The following CCDC120 variants were observed in gnomAD, a reference collection of about 807,000 sequenced individuals.
CCDC120 encodes the protein coiled-coil domain containing 120, also known as coiled-coil domain-containing protein 120.
In CCDC120, 16 loss-of-function variants were observed where a neutral mutation model predicts 37.6. That is an observed-to-expected ratio of 0.43 (90% CI 0.29 to 0.65). CCDC120 has a LOEUF of 0.65. Ranked by LOEUF, CCDC120 falls within the 30% of genes least tolerant of loss-of-function variation. The pLI, the probability that CCDC120 is intolerant of heterozygous loss-of-function variation, is 0.18. For synonymous variants in CCDC120, 309 were observed against 275.4 expected, an observed-to-expected ratio of 1.12 and a Z score of -1.21; for missense variants, 650 against 657.4, an observed-to-expected ratio of 0.99 and a Z score of 0.12.
chrX:49,061,600 G>T (rs2064886800), intron 1 of CCDC120, among the ~76,000 whole-genome samples: 1 of 112,560 alleles, frequency 8.9e-6, no homozygotes, highest in Non-Finnish European at 1.9e-5. Flanking sequence ...GTGATGCAGG[G>T]GCTGGGGTGG....
rs1265943075 is a variant in CCDC120, at chrX:49,063,857, C to G, written c.289-4C>G. The G allele has an allele frequency of 4.4e-5, 53 of 1,200,441 alleles. No homozygotes were observed. The highest frequency in any genetic ancestry group is 5.7e-5 in the Non-Finnish European group (51 of 890,269). On this transcript the variant is annotated splice_polypyrimidine_tract_variant and splice_region_variant and intron_variant, in intron 4 of 10. Transcript: ENST00000603986. Reference sequence around the variant, plus strand: ...GGTAGTCTCTGACCCCTGCCTCCCACCAGGAGCTGACTGGCCAGCTGCCCC... The same window carrying G: ...GGTAGTCTCTGACCCCTGCCTCCCAGCAGGAGCTGACTGGCCAGCTGCCCC...
At chrX:49,063,046 TAGTC>T (rs1485482853) in intron 4 of CCDC120, among the ~76,000 whole-genome samples, 1 of 110,595 alleles carries the variant, frequency 9.0e-6, no homozygotes, top group South Asian at 3.8e-4. Flanking sequence ...TACAAAAAAT[TAGTC>T]AGGCGTGGTG....
Position 49,064,301 on chromosome X carries a change from C to G in CCDC120, c.430-69C>G, listed in dbSNP as rs782703855. 2.3e-4 allele frequency: 240 copies of G among 1,058,961 alleles called. 1 individual carries two copies. The African/African-American group carries it at 4.2e-3, about 19-fold the overall frequency. 87.3% of individuals were successfully genotyped at this position (1,058,961 alleles called of 1,213,427 possible). A position where few individuals can be genotyped will look rare whatever the true frequency, so the allele number is the denominator to read the frequency against. On this transcript the variant is annotated intron_variant, in intron 5 of 10. Coordinates refer to ENST00000603986, the MANE Select transcript of CCDC120 (RefSeq NM_001163321.4). Reference sequence around the variant, plus strand: ...ATAGGCTGCAGGAAGTGCAGGCCAGCCTCTACTGGGTTTGGCCCCGCCAGG... The same window carrying G: ...ATAGGCTGCAGGAAGTGCAGGCCAGGCTCTACTGGGTTTGGCCCCGCCAGG...
At chrX:49,056,619 C>A (rs1262390621), upstream of CCDC120, among the ~76,000 whole-genome samples, 2 of 51,002 alleles carry the variant, frequency 3.9e-5, no homozygotes, top group Admixed American at 3.9e-4. Flanking sequence ...GGGTGAGACT[C>A]CGTCTCAAAA....
rs2064898715 is a variant in CCDC120 at position 49,062,586 on chromosome X, G to T, written c.273G>T (p.Val91=). The T allele has an allele frequency of 4.1e-6, 5 of 1,208,147 alleles. No individual in the cohort carries two copies. Among genetic ancestry groups the T allele is most frequent in the African/African-American group, 3.5e-5 (2 of 57,370 alleles). ...TGAAACTTCAGGAGCTCCGCAAAGTGTGTCTCCAGGAGGCGGTGAGGGCCT... is the reference window on the plus strand; with the variant it reads ...TGAAACTTCAGGAGCTCCGCAAAGTTTGTCTCCAGGAGGCGGTGAGGGCCT... ...LSLKLQELRK[V]CLQEAELTGQ... Residue 91 remains valine, a synonymous_variant, in exon 4 of 11, where the codon GTG becomes GTT. Transcript: ENST00000603986.
chrX:49,061,923 T>C, intron 1 of CCDC120, 36 bp from the exon 2 acceptor site: 1 of 1,098,615 alleles, frequency 9.1e-7, no homozygotes, highest in Non-Finnish European at 1.2e-6. Flanking sequence ...GTTGTTATAG[T>C]TGGTTGAATC....
Position 49,065,023 on chromosome X carries a change from C to G in CCDC120, c.725-13C>G, listed in dbSNP as rs782812084. 4 of 1,210,242 alleles carry G rather than the reference C, an allele frequency of 3.3e-6. No homozygotes were observed. Among genetic ancestry groups the G allele is most frequent in the East Asian group, 3.0e-5 (1 of 33,802 alleles). On this transcript the variant is annotated splice_polypyrimidine_tract_variant and intron_variant, in intron 6 of 10. Coordinates refer to ENST00000603986, the MANE Select transcript of CCDC120 (RefSeq NM_001163321.4). ...GGGAGTGAGAGGCCCACTTCTCCCC[C>G]TCTCACCTGTAGAGGACGTAGTTCT...
Position 49,067,511 on chromosome X carries a change from G to A in CCDC120, c.1397G>A (p.Arg466Gln), listed in dbSNP as rs782058115. 1.7e-5 allele frequency: 20 copies of A among 1,163,953 alleles called. No homozygotes were observed. Among genetic ancestry groups the A allele is most frequent in the Non-Finnish European group, 2.3e-5 (20 of 870,518 alleles). ...CCTAGCTCAGCTGCCCCTGCCTCCC[G>A]AGGTGCCCCCCGGCTCCCACCTGTG... ...ARPSSAAPAS[R>Q]GAPRLPPVCG... The change falls in exon 10 of 11, where the codon CGA becomes CAA. Residue 466 changes from arginine to glutamine, a missense_variant. Around this residue, in one of 3 missense-constraint regions of CCDC120, gnomAD observed 576 missense variants for 565.3 expected, o/e 1.02. Transcript: ENST00000603986.
At chrX:49,066,028 GC>G (rs1205168814) in intron 9 of CCDC120, among the ~76,000 whole-genome samples, 183 bp downstream of exon 9, 1 of 111,953 alleles carries the variant, frequency 8.9e-6, no homozygotes, top group East Asian at 2.8e-4. Flanking sequence ...TTCAAGACCA[GC>G]CTGACCAACA....
chrX:49,068,999 A>T lies in CCDC120; in HGVS notation c.*341A>T, dbSNP rs2064991555. 1 of 150,927 alleles carries T rather than the reference A, an allele frequency of 6.6e-6. No individual in the cohort carries two copies. Among genetic ancestry groups the T allele is most frequent in the Admixed American group, 8.3e-5 (1 of 11,992 alleles). 12.4% of individuals were successfully genotyped at this position (150,927 alleles called of 1,213,427 possible). On this transcript the variant is annotated 3_prime_UTR_variant, in exon 11 of 11. Transcript: ENST00000603986. The stretch of plus-strand genomic sequence containing the variant: ...GGCGTTTTACAAAAGGGAAACTGTG[A>T]TCTCATCTGGTTGGGTTCATTCCTG...
rs1194216500 is a variant in CCDC120 at position 49,068,452 on chromosome X, C to T, written c.1977-92C>T. ...GCCTGCCTCCACCTCTTTAACGAGC[C>T]TCTTTTCCTTTCTTTTTCTGTGTCT... is the stretch of plus-strand genomic sequence containing the variant. On this transcript the variant is annotated intron_variant, in intron 10 of 10. Coordinates refer to ENST00000603986, the MANE Select transcript of CCDC120 (RefSeq NM_001163321.4). 9.6e-6 allele frequency: 10 copies of T among 1,043,312 alleles called. No individual in the cohort carries two copies. The East Asian group carries it at 3.4e-4, about 35-fold the overall frequency. 86.0% of individuals were successfully genotyped at this position (1,043,312 alleles called of 1,213,427 possible).
Position 49,067,881 on chromosome X carries a change from G to A in CCDC120, c.1767G>A (p.Leu589=). The part of the protein sequence containing the change: ...SAGERSGHKN[L]ALEGLRDWYI... ...GTGAACGCAGTGGCCACAAGAACCTGGCTCTGGAGGGGCTGCGGGACTGGT... is the reference window on the plus strand; with the variant it reads ...GTGAACGCAGTGGCCACAAGAACCTAGCTCTGGAGGGGCTGCGGGACTGGT... Residue 589 remains leucine, a synonymous_variant, in exon 10 of 11, where the codon CTG becomes CTA. Transcript: ENST00000603986. The A allele has an allele frequency of 8.6e-7, 1 of 1,168,564 alleles. No individual in the cohort carries two copies.
chrX:49,065,138 C>G (rs782695977), intron 7 of CCDC120, 40 bp downstream of exon 7: 1 of 1,159,405 alleles, frequency 8.6e-7, no homozygotes, highest in African/African-American at 1.8e-5. Flanking sequence ...CCGACTCCTA[C>G]GTCCCTTTAG....
At chrX:49,062,676 G>A in intron 4 of CCDC120, 75 bp downstream of exon 4, 2 of 1,046,210 alleles carry the variant, frequency 1.9e-6, no homozygotes, top group Non-Finnish European at 2.6e-6. Flanking sequence ...TAGGTAGACA[G>A]ACTTGGGTGG....
chrX:49,062,682 G>T (rs1602518527), intron 4 of CCDC120, 81 bp downstream of exon 4: 1 of 1,021,426 alleles, frequency 9.8e-7, no homozygotes, highest in Non-Finnish European at 1.3e-6. Flanking sequence ...GACAGACTTG[G>T]GTGGCAATTC....
rs185330718 is a variant in CCDC120, at chrX:49,060,388, C to T, written c.-84+1293C>T. Among the ~76,000 whole-genome samples the T allele has an allele frequency of 8.1e-4, 75 of 92,218 alleles. 1 individual carries two copies. Among genetic ancestry groups the T allele is most frequent in the East Asian group, 4.8e-3 (14 of 2,895 alleles). 80.1% of individuals were successfully genotyped at this position (92,218 alleles called of 115,157 possible). ...GCAGTGAGCCAAGATCGTGCCACCA[C>T]TGCATTCCAGCCTAAGTGACAGAGC... On this transcript the variant is annotated intron_variant, in intron 1 of 10. Transcript: ENST00000603986.
rs1410864072 is a variant in CCDC120 at position 49,067,037 on chromosome X, A to G, written c.1062-139A>G. 5 of 529,312 alleles carry G rather than the reference A, an allele frequency of 9.4e-6. No individual in the cohort carries two copies. The African/African-American group carries it at 9.5e-5, about 10-fold the overall frequency. The allele number at this position is 529,312 out of a possible 1,213,427, so 43.6% of individuals were successfully genotyped here. A position where few individuals can be genotyped will look rare whatever the true frequency, so the allele number is the denominator to read the frequency against. ...TTACATGTCACTACCTGCCACCTTT[A>G]TACACACAGCTTCCAACCTTGGGCC... is the stretch of plus-strand genomic sequence containing the variant. On this transcript the variant is annotated intron_variant, in intron 9 of 10. Coordinates refer to ENST00000603986, the MANE Select transcript of CCDC120 (RefSeq NM_001163321.4).
intron 6 of CCDC120, 114 bp downstream of exon 6, chrX:49,064,778 A>C (rs1329542456): frequency 2.1e-5 from 19 of 889,640 alleles, no homozygotes; most frequent in Non-Finnish European, 2.9e-5. Context: ...CAAGTGGCCC[A>C]ACCCGTGAGA....
chrX:49,064,258 C>T (rs1368107765), intron 5 of CCDC120, 112 bp from the exon 6 acceptor site: 16 of 890,381 alleles, frequency 1.8e-5, no homozygotes, highest in East Asian at 3.4e-5. Flanking sequence ...GCCCCCTCCC[C>T]GGGGTGAATA....
Sources: gnomAD v4.1 joint callset for allele counts (sites outside exome capture counted in the v4.1 genomes callset) on GRCh38, gnomAD v4.1.1 for gene constraint, gnomAD v4.1.1 regional missense constraint, MANE v1.5 for transcripts, NCBI Gene and HGNC (gene_info 2026-07-23, HGNC 2026-07-21) for gene names.